Variants in TAF9B observed in about 807,000 individuals in gnomAD.
TAF9B encodes the protein transcription initiation factor TFIID subunit 9B.
In TAF9B, 47 loss-of-function variants were observed where a neutral mutation model predicts 17.6. The observed-to-expected ratio is 2.68, with a 90% CI of 2.12 to 3.41. The LOEUF (loss-of-function observed/expected upper bound fraction) is 3.41, where lower values mean the gene tolerates loss of function less well. Among genes scored for constraint, TAF9B ranks in the 30% most tolerant of loss-of-function variants. TAF9B has a pLI of 0.00. For synonymous variants in TAF9B, 84 were observed against 68.7 expected (o/e 1.22, Z -1.10); for missense variants, 218 against 189.3 (o/e 1.15, Z -0.89).
At chrX:78,138,946 C>A (rs940829444) in intron 1 of TAF9B, 22 bp from the exon 2 acceptor site, 19 of 1,106,784 alleles carry the variant, frequency 1.7e-5, no homozygotes, top group Non-Finnish European at 1.6e-5. Flanking sequence ...AATAAAAACA[C>A]CAGATGCAGA....
intron 6 of TAF9B, among the ~76,000 whole-genome samples, chrX:78,132,558 A>C (rs1273378160): frequency 9.0e-6 from 1 of 110,523 alleles, no homozygotes; most frequent in Non-Finnish European, 1.9e-5. Context: ...AAGATATGAA[A>C]TCTAGACATA....
At chrX:78,133,532 C>A in intron 5 of TAF9B, 84 bp from the exon 6 acceptor site, 1 of 675,633 alleles carries the variant, frequency 1.5e-6, no homozygotes, top group Non-Finnish European at 2.3e-6. Flanking sequence ...AAACTATCTT[C>A]AAAGCAAAGG....
intron 5 of TAF9B, among the ~76,000 whole-genome samples, chrX:78,134,625 T>C (rs16978765): frequency 0.27 from 30,021 of 110,300 alleles, 3,223 homozygotes; most frequent in East Asian, 0.38. Context: ...CCAAAGGTAC[T>C]GAGAAATCCG....
In TAF9B at chrX:78,133,320, C is replaced by G; in HGVS notation, c.592+18G>C. 8.8e-7 allele frequency: 1 copy of G among 1,137,866 alleles called. No homozygotes were observed. The highest frequency in any genetic ancestry group is 2.4e-4 in the Middle Eastern group (1 of 4,141). 93.8% of individuals were successfully genotyped at this position (1,137,866 alleles called of 1,213,427 possible). A position where few individuals can be genotyped will look rare whatever the true frequency, so the allele number is the denominator to read the frequency against. On this transcript the variant is annotated intron_variant, in intron 6 of 6. Coordinates refer to ENST00000341864, the MANE Select transcript of TAF9B (RefSeq NM_015975.5). ...CAAATTATTCACAAATTCTGTCCCC[C>G]ACTCCCAATCACATTACCTGGTTTG...
At chrX:78,138,967 G>A in intron 1 of TAF9B, 43 bp from the exon 2 acceptor site, 1 of 1,000,263 alleles carries the variant, frequency 1.0e-6, no homozygotes, top group Non-Finnish European at 1.4e-6. Context: ...ATTTGGTACT[G>A]GAAATCAAGG....
intron 1 of TAF9B, 65 bp from the exon 2 acceptor site, chrX:78,138,989 G>A (rs782228385): frequency 4.6e-6 from 4 of 864,236 alleles, no homozygotes; most frequent in East Asian, 6.3e-5. Flanking sequence ...TGCACTGAAG[G>A]GTAGTATTTA....
intron 4 of TAF9B, 85 bp downstream of exon 4, chrX:78,137,664 T>C (rs2149142014): frequency 1.1e-6 from 1 of 917,131 alleles, no homozygotes; most frequent in Non-Finnish European, 1.5e-6. Context: ...TAATCTACTA[T>C]ACTAGCTACA....
rs1442053994 is a variant in TAF9B at position 78,132,047 on chromosome X, A to T, written c.593-274T>A. On this transcript the variant is annotated intron_variant, in intron 6 of 6. Coordinates refer to ENST00000341864, the MANE Select transcript of TAF9B (RefSeq NM_015975.5). ...GAGACAGTGTCTCGCTCTGTCGTCC[A>T]AGCTGGCGTGATCTTGGCTCACTGC... Among the ~76,000 whole-genome samples the T allele has an allele frequency of 3.6e-5, 4 of 112,002 alleles. No individual in the cohort carries two copies. The Admixed American group carries it at 3.8e-4, about 11-fold the overall frequency.
Position 78,136,914 on chromosome X carries a change from C to T in TAF9B, c.481+1G>A. The T allele has an allele frequency of 8.4e-7, 1 of 1,194,360 alleles. No homozygotes were observed. The highest frequency in any genetic ancestry group is 1.1e-6 in the Non-Finnish European group (1 of 881,209). ...AAATGCCATTGTCTCCTCTCACTTA[C>T]CTATAGTAGGAGTAGTAGGTTTGCT... On this transcript the variant is annotated splice_donor_variant, in intron 5 of 6. Coordinates refer to ENST00000341864, the MANE Select transcript of TAF9B (RefSeq NM_015975.5). LOFTEE classifies it high-confidence loss of function.
At position 78,139,559 on chromosome X, in the gene TAF9B, A is replaced by G; in HGVS notation, c.51+2T>C. 1 of 1,210,933 alleles carries G rather than the reference A, an allele frequency of 8.3e-7. No individual in the cohort carries two copies. Among genetic ancestry groups the G allele is most frequent in the Non-Finnish European group, 1.1e-6 (1 of 895,150 alleles). ...GATCCGCGGCTTATCCTTCGCACTT[A>G]CCAAGGCATCTCTCGGAGCGTTCTT... On this transcript the variant is annotated splice_donor_variant, in intron 1 of 6. Transcript: ENST00000341864. LOFTEE classifies it high-confidence loss of function.
At chrX:78,138,256 G>A (rs1182305531) in intron 2 of TAF9B, among the ~76,000 whole-genome samples, 158 bp from the exon 3 acceptor site, 1 of 111,963 alleles carries the variant, frequency 8.9e-6, no homozygotes, top group African/African-American at 3.2e-5. Context: ...GGAAACTCCT[G>A]GCCTCCCCGC....
intron 1 of TAF9B, among the ~76,000 whole-genome samples, chrX:78,139,272 G>A (rs1453121758): frequency 1.8e-5 from 2 of 111,138 alleles, no homozygotes; most frequent in Non-Finnish European, 3.8e-5. Context: ...AGTCAGGGCT[G>A]GCAGATAGCT....
intron 4 of TAF9B, 74 bp from the exon 5 acceptor site, chrX:78,137,064 G>A (rs1557250134): frequency 9.3e-6 from 7 of 752,981 alleles, no homozygotes; most frequent in Non-Finnish European, 1.4e-5. Flanking sequence ...TAGGATTGCT[G>A]ATGTAAATGA....
chrX:78,139,502 C>T, intron 1 of TAF9B, 59 bp downstream of exon 1: 3 of 1,204,036 alleles, frequency 2.5e-6, no homozygotes, highest in Non-Finnish European at 2.2e-6. Flanking sequence ...CGTGGCCCCG[C>T]CTCGCAGGTC....
intron 6 of TAF9B, among the ~76,000 whole-genome samples, chrX:78,132,999 T>A (rs1029648558): frequency 1.8e-5 from 2 of 111,982 alleles, no homozygotes; most frequent in Admixed American, 9.5e-5. Flanking sequence ...TTACAGTATG[T>A]TGTTGTAATT....
At chrX:78,138,753 A>G in intron 2 of TAF9B, 90 bp downstream of exon 2, 2 of 810,830 alleles carry the variant, frequency 2.5e-6, no homozygotes, top group Non-Finnish European at 1.8e-6. Context: ...TCCCTGTCTC[A>G]AAAAAGAAAA....
chrX:78,133,600 A>T, intron 5 of TAF9B, 152 bp from the exon 6 acceptor site: 2 of 447,426 alleles, frequency 4.5e-6, no homozygotes, highest in Admixed American at 7.5e-5. Context: ...AACCTTAAAA[A>T]AATTTACAAG....
intron 6 of TAF9B, among the ~76,000 whole-genome samples, chrX:78,132,236 C>T (rs1251471812): frequency 9.0e-6 from 1 of 111,459 alleles, no homozygotes; most frequent in Non-Finnish European, 1.9e-5. Context: ...TCAAGTGATC[C>T]TCCCGCCTCG....
At position 78,131,407 on chromosome X, in the gene TAF9B, G is replaced by A; in HGVS notation, c.*203C>T. 6.1e-6 allele frequency: 2 copies of A among 326,635 alleles called. No homozygotes were observed. Among genetic ancestry groups the A allele is most frequent in the Non-Finnish European group, 1.1e-5 (2 of 188,758 alleles). The allele number at this position is 326,635 out of a possible 1,213,427, so 26.9% of individuals were successfully genotyped here. A position where few individuals can be genotyped will look rare whatever the true frequency, so the allele number is the denominator to read the frequency against. On this transcript the variant is annotated 3_prime_UTR_variant, in exon 7 of 7. Coordinates refer to ENST00000341864, the MANE Select transcript of TAF9B (RefSeq NM_015975.5). ...CATTAATGAAACTATTAAGAAACAA[G>A]TACTTAACTGTTTGTAATTGAAGCC...
Sources: gnomAD v4.1 joint callset for allele counts (sites outside exome capture counted in the v4.1 genomes callset) on GRCh38, gnomAD v4.1.1 for gene constraint, MANE v1.5 for transcripts, NCBI Gene and HGNC (gene_info 2026-07-23, HGNC 2026-07-21) for gene names.